GPR180: variants seen among roughly 807,000 people sequenced by gnomAD.
GPR180 encodes G protein-coupled receptor 180, also known as integral membrane protein GPR180.
Under a neutral mutation model 52.6 loss-of-function variants are expected in GPR180, and 53 were observed. That is an observed-to-expected ratio of 1.01 (90% CI 0.81 to 1.27). GPR180 has a LOEUF of 1.27. Ranked by LOEUF, GPR180 falls within the 50% of genes most tolerant of loss-of-function variation. The probability of loss-of-function intolerance (pLI) is 0.00; values close to 1 mark genes in which losing one functional copy is unlikely to be tolerated. For synonymous variants in GPR180, 200 were observed against 193.1 expected, an observed-to-expected ratio of 1.04 and a Z score of -0.30; for missense variants, 533 against 527.0, an observed-to-expected ratio of 1.01 and a Z score of -0.11.
Position 94,612,267 on chromosome 13 carries a change from G to GAC in GPR180, c.384_385dup (p.Lys129ThrfsTer24), listed in dbSNP as rs1889716856. 1 of 1,614,002 alleles carries GAC rather than the reference G, an allele frequency of 6.2e-7. No individual in the cohort carries two copies. Among genetic ancestry groups the GAC allele is most frequent in the Middle Eastern group, 1.6e-4 (1 of 6,062 alleles). ...ACAAACGTGGCATGTGTTTTATGCA[G>GAC]ACAAGTATACATGCCAAGATGACAA... is the stretch of plus-strand genomic sequence containing the variant. On this transcript the variant is annotated frameshift_variant, in exon 3 of 9. Transcript: ENST00000376958. LOFTEE classifies it high-confidence loss of function.
intron 8 of GPR180, 144 bp from the exon 9 acceptor site, chr13:94,626,868 AT>A: frequency 3.2e-6 from 2 of 618,836 alleles, no homozygotes; most frequent in Non-Finnish European, 5.1e-6. Flanking sequence ...TAGTCAGAAA[AT>A]TTTTTTGATA....
chr13:94,612,414 T>C lies in GPR180; in HGVS notation c.505+24T>C, dbSNP rs1343397206. Reference sequence around the variant, plus strand: ...TGGTAAGAATATGTATTTGAATATATCCTAAATTCAGGAAAAGATTTATGT... The same window carrying C: ...TGGTAAGAATATGTATTTGAATATACCCTAAATTCAGGAAAAGATTTATGT... On this transcript the variant is annotated intron_variant, in intron 3 of 8. Coordinates refer to ENST00000376958, the MANE Select transcript of GPR180 (RefSeq NM_180989.6). The C allele has an allele frequency of 1.7e-5, 25 of 1,483,866 alleles. No homozygotes were observed. In the East Asian group the frequency reaches 5.7e-4, roughly 34 times the overall value. 91.9% of individuals were successfully genotyped at this position (1,483,866 alleles called of 1,614,324 possible). A position where few individuals can be genotyped will look rare whatever the true frequency, so the allele number is the denominator to read the frequency against.
At position 94,630,188 on chromosome 13, in the gene GPR180, C is replaced by G. The variant is rs1320867966; in HGVS notation, c.*3017C>G. Reference sequence around the variant, plus strand: ...TCTGAAAGTAGTGTGGTAGAAGCACCGTAGCTTGATTTCTTGCAATAGCTC... The same window carrying G: ...TCTGAAAGTAGTGTGGTAGAAGCACGGTAGCTTGATTTCTTGCAATAGCTC... On this transcript the variant is annotated 3_prime_UTR_variant, in exon 9 of 9. Coordinates refer to ENST00000376958, the MANE Select transcript of GPR180 (RefSeq NM_180989.6). 6.6e-6 allele frequency: 1 copy of G among 152,150 alleles called. No homozygotes were observed. Among genetic ancestry groups the G allele is most frequent in the Admixed American group, 6.6e-5 (1 of 15,264 alleles). The allele number at this position is 152,150 out of a possible 1,614,324, so 9.4% of individuals were successfully genotyped here. A position where few individuals can be genotyped will look rare whatever the true frequency, so the allele number is the denominator to read the frequency against.
rs1298213729 is a variant in GPR180 at position 94,628,168 on chromosome 13, C to T, written c.*997C>T. On this transcript the variant is annotated 3_prime_UTR_variant, in exon 9 of 9. Coordinates refer to ENST00000376958, the MANE Select transcript of GPR180 (RefSeq NM_180989.6). ...AACACTCACTGGATTTGTTATAATCCGTGTTGGCACTGGATTCTAAGTAGT... is the reference window on the plus strand; with the variant it reads ...AACACTCACTGGATTTGTTATAATCTGTGTTGGCACTGGATTCTAAGTAGT... 7 of 152,402 alleles carry T rather than the reference C, an allele frequency of 4.6e-5. No homozygotes were observed. The highest frequency in any genetic ancestry group is 1.9e-4 in the East Asian group (1 of 5,196). 9.4% of individuals were successfully genotyped at this position (152,402 alleles called of 1,614,324 possible). A position where few individuals can be genotyped will look rare whatever the true frequency, so the allele number is the denominator to read the frequency against.
chr13:94,619,050 A>T, intron 3 of GPR180, 100 bp from the exon 4 acceptor site: 7 of 956,708 alleles, frequency 7.3e-6, no homozygotes, highest in Non-Finnish European at 1.1e-5. Context: ...CCAGTTAAAA[A>T]ACAAGTTCTA....
In GPR180 at chr13:94,619,135, T is replaced by G; in HGVS notation, c.506-15T>G. The G allele has an allele frequency of 6.2e-7, 1 of 1,600,932 alleles. No individual in the cohort carries two copies. Among genetic ancestry groups the G allele is most frequent in the Non-Finnish European group, 8.5e-7 (1 of 1,173,354 alleles). On this transcript the variant is annotated splice_polypyrimidine_tract_variant and intron_variant, in intron 3 of 8. Coordinates refer to ENST00000376958, the MANE Select transcript of GPR180 (RefSeq NM_180989.6). ...TTTGTTTTACTGAAGCAAACTCCCTTTCTTCTCTTCACAGGGTTACATGAG... is the reference window on the plus strand; with the variant it reads ...TTTGTTTTACTGAAGCAAACTCCCTGTCTTCTCTTCACAGGGTTACATGAG...
intron 3 of GPR180, among the ~76,000 whole-genome samples, chr13:94,615,412 A>G (rs1453683499): frequency 1.3e-5 from 2 of 152,236 alleles, no homozygotes; most frequent in South Asian, 2.1e-4. Context: ...AACCTGGTGC[A>G]GATAGTTGCA....
chr13:94,605,750 A>G (rs1364757277), intron 2 of GPR180, among the ~76,000 whole-genome samples: 1 of 152,160 alleles, frequency 6.6e-6, no homozygotes, highest in Non-Finnish European at 1.5e-5. Flanking sequence ...AAAAATCCAG[A>G]TAATTTATAT....
At chr13:94,620,222 CTAT>C (rs1042895914) in intron 5 of GPR180, among the ~76,000 whole-genome samples, 1 of 152,144 alleles carries the variant, frequency 6.6e-6, no homozygotes, top group African/African-American at 2.4e-5. Flanking sequence ...GTTTTTCTTC[CTAT>C]TATAATTCCA....
chr13:94,605,630 T>C lies in GPR180; in HGVS notation c.304+81T>C, dbSNP rs2139563408. The C allele has an allele frequency of 4.2e-6, 5 of 1,189,216 alleles. No individual in the cohort carries two copies. The East Asian group carries it at 9.9e-5, about 24-fold the overall frequency. The allele number at this position is 1,189,216 out of a possible 1,614,324, so 73.7% of individuals were successfully genotyped here. A position where few individuals can be genotyped will look rare whatever the true frequency, so the allele number is the denominator to read the frequency against. On this transcript the variant is annotated intron_variant, in intron 2 of 8. Transcript: ENST00000376958. ...TGAAATATAGTACCATATGTACATA[T>C]GTTATGTTTCCTGACAGCATAATCC... is the stretch of plus-strand genomic sequence containing the variant.
At chr13:94,623,718 G>GACACT (rs1196370496) in intron 7 of GPR180, among the ~76,000 whole-genome samples, 1 of 150,714 alleles carries the variant, frequency 6.6e-6, no homozygotes, top group Non-Finnish European at 1.5e-5. Context: ...TTATGTGACA[G>GACACT]ACACTACCAT....
chr13:94,627,389 GTGT>G lies in GPR180; in HGVS notation c.*223_*225del. On this transcript the variant is annotated 3_prime_UTR_variant, in exon 9 of 9. Coordinates refer to ENST00000376958, the MANE Select transcript of GPR180 (RefSeq NM_180989.6). ...ACTTAAACAACAAACTTTGAAGAAA[GTGT>G]TGTTATAAAATTATTGAAGCGATTT... 1 of 455,542 alleles carries G rather than the reference GTGT, an allele frequency of 2.2e-6. No homozygotes were observed. The highest frequency in any genetic ancestry group is 3.8e-6 in the Non-Finnish European group (1 of 262,800). 28.2% of individuals were successfully genotyped at this position (455,542 alleles called of 1,614,324 possible). A position where few individuals can be genotyped will look rare whatever the true frequency, so the allele number is the denominator to read the frequency against.
chr13:94,630,561 T>C lies in GPR180; in HGVS notation c.*3390T>C, dbSNP rs898951127. 1 of 152,236 alleles carries C rather than the reference T, an allele frequency of 6.6e-6. No individual in the cohort carries two copies. Among genetic ancestry groups the C allele is most frequent in the Non-Finnish European group, 1.5e-5 (1 of 68,044 alleles). The allele number at this position is 152,236 out of a possible 1,614,324, so 9.4% of individuals were successfully genotyped here. ...CTTAGGAAAAGAAGTCCTCACTCAT[T>C]ACTATGTTCTGCAAGGCCCATATGA... On this transcript the variant is annotated 3_prime_UTR_variant, in exon 9 of 9. Coordinates refer to ENST00000376958, the MANE Select transcript of GPR180 (RefSeq NM_180989.6).
rs1015259186 is a variant in GPR180 at position 94,627,418 on chromosome 13, C to G, written c.*247C>G. On this transcript the variant is annotated 3_prime_UTR_variant, in exon 9 of 9. Transcript: ENST00000376958. ...TGTTATAAAATTATTGAAGCGATTT[C>G]TATGTGGAAATAAATGTGAAAAATA... 4.7e-6 allele frequency: 2 copies of G among 421,768 alleles called. No homozygotes were observed. The highest frequency in any genetic ancestry group is 4.5e-5 in the East Asian group (1 of 21,996). 26.1% of individuals were successfully genotyped at this position (421,768 alleles called of 1,614,324 possible).
intron 6 of GPR180, among the ~76,000 whole-genome samples, chr13:94,622,167 C>G (rs563930180): frequency 1.3e-5 from 2 of 151,662 alleles, no homozygotes; most frequent in Admixed American, 6.6e-5. Context: ...GGAGGTAGTG[C>G]CAGGAAAGGG....
chr13:94,601,953 T>C lies in GPR180; in HGVS notation c.26T>C (p.Val9Ala). Residue 9 changes from valine (V) to alanine (A), a missense_variant, in exon 1 of 9, where the codon GTG becomes GCG. Transcript: ENST00000376958. Reference sequence around the variant, plus strand: ...ATGGGGGGGCTGCGGCTGCTGGCTGTGGCCCTCACGTGCTGCTGGTGGCCG... The same window carrying C: ...ATGGGGGGGCTGCGGCTGCTGGCTGCGGCCCTCACGTGCTGCTGGTGGCCG... MGGLRLLA[V>A]ALTCCWWPQG... 1 of 1,498,666 alleles carries C rather than the reference T, an allele frequency of 6.7e-7. No homozygotes were observed. The allele number at this position is 1,498,666 out of a possible 1,614,324, so 92.8% of individuals were successfully genotyped here.
chr13:94,605,625 A>C, intron 2 of GPR180, 76 bp downstream of exon 2: 1 of 1,204,300 alleles, frequency 8.3e-7, no homozygotes, highest in Non-Finnish European at 1.2e-6. Context: ...TACCATATGT[A>C]CATATGTTAT....
At chr13:94,623,057 G>T (rs766850933) in intron 6 of GPR180, 52 bp from the exon 7 acceptor site, 5 of 1,316,268 alleles carry the variant, frequency 3.8e-6, no homozygotes, top group Non-Finnish European at 4.3e-6. Context: ...AAAAAATATT[G>T]TAATGAGGTA....
chr13:94,627,168 C>A lies in GPR180; in HGVS notation c.1320C>A (p.Phe440Leu). ...ISSGHKSRPH[F>L] ...CTGGACACAAAAGTCGCCCTCATTTCTGATACTTGATTTTTGTTGAGAGGA... is the reference window on the plus strand; with the variant it reads ...CTGGACACAAAAGTCGCCCTCATTTATGATACTTGATTTTTGTTGAGAGGA... Residue 440 changes from phenylalanine to leucine, a missense_variant, in exon 9 of 9, where the codon TTC (phenylalanine) becomes TTA (leucine). Physicochemically the swap from Phe to Leu is conservative, Grantham distance 22. Transcript: ENST00000376958. The A allele has an allele frequency of 6.2e-7, 1 of 1,611,704 alleles. No individual in the cohort carries two copies. The highest frequency in any genetic ancestry group is 8.5e-7 in the Non-Finnish European group (1 of 1,179,132).
Sources: allele counts gnomAD v4.1 joint callset (sites outside exome capture counted in the v4.1 genomes callset), GRCh38; gene constraint gnomAD v4.1.1; transcripts MANE v1.5; gene names NCBI Gene and HGNC (gene_info 2026-07-23, HGNC 2026-07-21).